IFTAP: variants seen among roughly 807,000 people sequenced by gnomAD.
IFTAP encodes the protein intraflagellar transport associated protein.
IFTAP carries 19 observed loss-of-function variants against 19.4 expected under a neutral mutation model. That is an observed-to-expected ratio of 0.98 (90% CI 0.68 to 1.44). The LOEUF is 1.44. Among genes scored for constraint, IFTAP ranks in the 40% most tolerant of loss-of-function variants. IFTAP has a pLI of 0.00. For missense variants in IFTAP, 240 were observed against 253.6 expected (o/e 0.95, Z 0.36); for synonymous variants, 85 against 83.5 (o/e 1.02, Z -0.10).
intron 2 of IFTAP, among the ~76,000 whole-genome samples, chr11:36,617,727 G>A (rs1451254339): frequency 6.6e-6 from 1 of 151,944 alleles, no homozygotes; most frequent in African/African-American, 2.4e-5. Context: ...TTTGTCTCGA[G>A]TAACTTATTT....
Position 36,633,274 on chromosome 11 carries a change from C to T in IFTAP, c.137-10C>T. Reference sequence around the variant, plus strand: ...GATGTTTTCTAATAGTGCATAACTTCTTATTTCAGAGGATCATGTGTCCAA... The same window carrying T: ...GATGTTTTCTAATAGTGCATAACTTTTTATTTCAGAGGATCATGTGTCCAA... On this transcript the variant is annotated splice_polypyrimidine_tract_variant and intron_variant, in intron 2 of 5. Transcript: ENST00000334307. The T allele has an allele frequency of 6.5e-7, 1 of 1,526,762 alleles. No individual in the cohort carries two copies. The highest frequency in any genetic ancestry group is 8.8e-7 in the Non-Finnish European group (1 of 1,142,270). 94.6% of individuals were successfully genotyped at this position (1,526,762 alleles called of 1,614,324 possible). A position where few individuals can be genotyped will look rare whatever the true frequency, so the allele number is the denominator to read the frequency against.
intron 1 of IFTAP, among the ~76,000 whole-genome samples, chr11:36,601,548 T>G (rs916057342): frequency 2.0e-5 from 3 of 152,140 alleles, no homozygotes; most frequent in African/African-American, 7.2e-5. Flanking sequence ...TTCAGAGGAG[T>G]TTTGCTAGAA....
rs117699273 is a variant in IFTAP at position 36,654,720 on chromosome 11, T to C, written c.499-4299T>C. Among the ~76,000 whole-genome samples, 260 of 152,322 alleles carry C rather than the reference T, an allele frequency of 1.7e-3. 3 individuals carry two copies. The highest frequency in any genetic ancestry group is 5.9e-3 in the African/African-American group (245 of 41,586). On this transcript the variant is annotated intron_variant, in intron 5 of 5. Coordinates refer to ENST00000334307, the MANE Select transcript of IFTAP (RefSeq NM_138787.4). ...ATTCAGATTGAACTCTGCTTATCTTTACCTGCTTCCCTTTCTGCATTCTTC... is the reference window on the plus strand; with the variant it reads ...ATTCAGATTGAACTCTGCTTATCTTCACCTGCTTCCCTTTCTGCATTCTTC...
intron 4 of IFTAP, among the ~76,000 whole-genome samples, chr11:36,642,547 A>C (rs1817851245): frequency 6.6e-6 from 1 of 152,180 alleles, no homozygotes; most frequent in Non-Finnish European, 1.5e-5. Flanking sequence ...TGGCAGAGAC[A>C]CAACAAAAAA....
intron 4 of IFTAP, among the ~76,000 whole-genome samples, chr11:36,644,300 T>C (rs1263804909): frequency 6.6e-6 from 1 of 152,070 alleles, no homozygotes; most frequent in Non-Finnish European, 1.5e-5. Context: ...CACAATGAGA[T>C]ACCATCTCAC....
At chr11:36,638,331 T>A (rs1853043993) in intron 4 of IFTAP, among the ~76,000 whole-genome samples, 1 of 152,234 alleles carries the variant, frequency 6.6e-6, no homozygotes, top group South Asian at 2.1e-4. Context: ...CTTACTAGTA[T>A]GATTTTTCCA....
chr11:36,638,784 A>G (rs1423995598), intron 4 of IFTAP, among the ~76,000 whole-genome samples: 3 of 152,208 alleles, frequency 2.0e-5, no homozygotes, highest in African/African-American at 7.2e-5. Flanking sequence ...AGTGGCTTGC[A>G]TATTGTTTTT....
chr11:36,658,400 T>C (rs1171647526), intron 5 of IFTAP, among the ~76,000 whole-genome samples: 12 of 152,202 alleles, frequency 7.9e-5, no homozygotes, highest in Admixed American at 7.2e-4. Context: ...AATTATTACA[T>C]CTCTTTGTAA....
At chr11:36,615,834 T>G (rs1852061843) in intron 2 of IFTAP, among the ~76,000 whole-genome samples, 1 of 151,672 alleles carries the variant, frequency 6.6e-6, no homozygotes, top group South Asian at 2.1e-4. Context: ...AATGGGGTTT[T>G]CTAGATATAC....
intron 1 of IFTAP, among the ~76,000 whole-genome samples, chr11:36,604,825 A>G (rs761819198): frequency 2.0e-5 from 3 of 152,120 alleles, no homozygotes; most frequent in Non-Finnish European, 2.9e-5. Context: ...TTTATTCTCT[A>G]TGATTGGACT....
At chr11:36,623,282 C>T (rs1852376758) in intron 2 of IFTAP, among the ~76,000 whole-genome samples, 1 of 151,640 alleles carries the variant, frequency 6.6e-6, no homozygotes, top group South Asian at 2.1e-4. Context: ...AATTTTTCAA[C>T]ACTTTTTGTC....
In IFTAP at chr11:36,633,272, T is replaced by A. The variant is rs1363788284; in HGVS notation, c.137-12T>A. 2.0e-6 allele frequency: 3 copies of A among 1,525,740 alleles called. No homozygotes were observed. In the African/African-American group the frequency reaches 4.2e-5, roughly 22 times the overall value. 94.5% of individuals were successfully genotyped at this position (1,525,740 alleles called of 1,614,324 possible). A position where few individuals can be genotyped will look rare whatever the true frequency, so the allele number is the denominator to read the frequency against. Reference sequence around the variant, plus strand: ...TGGATGTTTTCTAATAGTGCATAACTTCTTATTTCAGAGGATCATGTGTCC... The same window carrying A: ...TGGATGTTTTCTAATAGTGCATAACATCTTATTTCAGAGGATCATGTGTCC... On this transcript the variant is annotated splice_polypyrimidine_tract_variant and intron_variant, in intron 2 of 5. Transcript: ENST00000334307.
chr11:36,623,840 T>G (rs973293355), intron 2 of IFTAP, among the ~76,000 whole-genome samples: 3 of 149,518 alleles, frequency 2.0e-5, no homozygotes, highest in African/African-American at 7.5e-5. Flanking sequence ...ACGAAGGTAC[T>G]TGGTAGTTTT....
intron 1 of IFTAP, among the ~76,000 whole-genome samples, chr11:36,605,700 T>C (rs1851670873): frequency 6.6e-6 from 1 of 152,222 alleles, no homozygotes; most frequent in Non-Finnish European, 1.5e-5. Context: ...GAGCAGTGCA[T>C]GCTCCCTGTA....
chr11:36,594,711 C>T (rs1851133700), intron 1 of IFTAP, 119 bp downstream of exon 1: 1 of 160,446 alleles, frequency 6.2e-6, no homozygotes, highest in Non-Finnish European at 1.4e-5. Flanking sequence ...CGGTGTCGGG[C>T]AAACCGCTAC....
intron 2 of IFTAP, among the ~76,000 whole-genome samples, chr11:36,623,877 A>G (rs1385789244): frequency 6.6e-6 from 1 of 152,178 alleles, no homozygotes; most frequent in African/African-American, 2.4e-5. Context: ...GTAGAATTTT[A>G]TGATTAGGGT....
At chr11:36,647,916 G>A in intron 4 of IFTAP, 100 bp from the exon 5 acceptor site, 26 of 1,367,224 alleles carry the variant, frequency 1.9e-5, no homozygotes, top group Non-Finnish European at 2.6e-5. Context: ...CATTACATGA[G>A]CATATTTGCT....
chr11:36,613,693 G>A (rs900975968), intron 2 of IFTAP, among the ~76,000 whole-genome samples: 3 of 151,906 alleles, frequency 2.0e-5, no homozygotes, highest in Admixed American at 2.0e-4. Flanking sequence ...AACTTGCCTT[G>A]GGCTTCAAGA....
At chr11:36,636,161 G>C (rs562798099) in intron 4 of IFTAP, 44 bp downstream of exon 4, 20 of 1,440,540 alleles carry the variant, frequency 1.4e-5, no homozygotes, top group Non-Finnish European at 1.9e-5. Flanking sequence ...CCTCTTTCTA[G>C]AAACTACAAA....
Sources: allele counts gnomAD v4.1 joint callset (sites outside exome capture counted in the v4.1 genomes callset), GRCh38; gene constraint gnomAD v4.1.1; transcripts MANE v1.5; gene names NCBI Gene and HGNC (gene_info 2026-07-23, HGNC 2026-07-21).